Variants in ANAPC1 observed in about 807,000 individuals in gnomAD.
ANAPC1 encodes anaphase promoting complex subunit 1.
In ANAPC1, 36 loss-of-function variants were observed where a neutral mutation model predicts 208.0. The ratio of observed to expected loss-of-function variants is 0.17; its 90% CI spans 0.13 to 0.23. The LOEUF is 0.23. Ranked by LOEUF, ANAPC1 falls within the 10% of genes least tolerant of loss-of-function variation. The pLI is 1.00. For synonymous variants in ANAPC1, 378 were observed against 695.2 expected, an observed-to-expected ratio of 0.54 and a Z score of 7.18; for missense variants, 942 against 2,011.6, an observed-to-expected ratio of 0.47 and a Z score of 10.17.
At chr2:111,831,921 T>C (rs1377946423) in intron 20 of ANAPC1, among the ~76,000 whole-genome samples, 1 of 148,286 alleles carries the variant, frequency 6.7e-6, no homozygotes, top group Non-Finnish European at 1.5e-5. Context: ...TGTTATTAAA[T>C]GTAGAATTTA....
chr2:111,776,894 C>G lies in ANAPC1; in HGVS notation c.5549G>C (p.Cys1850Ser). The G allele has an allele frequency of 2.1e-6, 1 of 478,610 alleles. No homozygotes were observed. Among genetic ancestry groups the G allele is most frequent in the Non-Finnish European group, 3.5e-6 (1 of 281,784 alleles). The allele number at this position is 478,610 out of a possible 1,614,324, so 29.6% of individuals were successfully genotyped here. A position where few individuals can be genotyped will look rare whatever the true frequency, so the allele number is the denominator to read the frequency against. The change falls in exon 46 of 48, where the codon TGC becomes TCC. Residue 1850 changes from cysteine to serine, a missense_variant. Transcript: ENST00000341068. ...MNSEFLPVVK[C>S]TIDNTLDQWL... ...CTGGTCCAGGGTATTATCAATGGTG[C>G]ACTTCACAACAGGGAGGAATTCCGA...
chr2:111,852,714 A>G (rs1681472542), intron 13 of ANAPC1, among the ~76,000 whole-genome samples: 1 of 152,140 alleles, frequency 6.6e-6, no homozygotes, highest in Admixed American at 6.5e-5. Context: ...CTGTGAGCTA[A>G]GAATAGGTTT....
intron 29 of ANAPC1, among the ~76,000 whole-genome samples, chr2:111,807,704 T>A (rs4848182): frequency 0.18 from 17,764 of 100,494 alleles, 434 homozygotes; most frequent in Non-Finnish European, 0.23. Flanking sequence ...AAAAAAAAAA[T>A]TTTTAATGTA....
chr2:111,846,557 ATATTTTTTTTTTTTT>A (rs1681091652), intron 16 of ANAPC1, among the ~76,000 whole-genome samples: 1 of 53,012 alleles, frequency 1.9e-5, no homozygotes, highest in Non-Finnish European at 3.5e-5. Flanking sequence ...ATATATATAT[ATATTTTTTTTTTTTT>A]TTTTTTTTTT....
At chr2:111,819,112 G>GA in intron 26 of ANAPC1, 154 bp from the exon 27 acceptor site, 1 of 898,226 alleles carries the variant, frequency 1.1e-6, no homozygotes, top group Middle Eastern at 5.7e-4. Context: ...ACCCAAACAT[G>GA]ATTATTTTCA....
At position 111,863,722 on chromosome 2, in the gene ANAPC1, G is replaced by C. The variant is rs1205656381; in HGVS notation, c.1005C>G (p.Pro335=). ...IHSQSRSTSS[P]SLHSRSPSIS... ...TAGAAGGTGAGCGAGAATGTAGACT[G>C]GGTGATGAGGTTGAGCGACTCTGGC... The change falls in exon 9 of 48, where the codon CCC becomes CCG. Residue 335 remains proline (P), a synonymous_variant. Coordinates refer to ENST00000341068, the MANE Select transcript of ANAPC1 (RefSeq NM_022662.4). 1 of 1,613,840 alleles carries C rather than the reference G, an allele frequency of 6.2e-7. No homozygotes were observed. Among genetic ancestry groups the C allele is most frequent in the African/African-American group, 1.3e-5 (1 of 74,918 alleles).
Position 111,769,043 on chromosome 2 carries a change from T to G in ANAPC1, c.*248A>C, listed in dbSNP as rs1246381512. The G allele has an allele frequency of 3.5e-6, 1 of 287,734 alleles. No homozygotes were observed. Among genetic ancestry groups the G allele is most frequent in the African/African-American group, 2.2e-5 (1 of 45,746 alleles). The allele number at this position is 287,734 out of a possible 1,614,324, so 17.8% of individuals were successfully genotyped here. ...CTGCTCTATTCTCTAAGTCCAAAAC[T>G]AAAGCAATCATCAAGAGTTTTGGAA... On this transcript the variant is annotated 3_prime_UTR_variant, in exon 48 of 48. Coordinates refer to ENST00000341068, the MANE Select transcript of ANAPC1 (RefSeq NM_022662.4).
intron 29 of ANAPC1, among the ~76,000 whole-genome samples, chr2:111,808,319 T>C (rs576887907): frequency 1.3e-5 from 2 of 152,178 alleles, no homozygotes; most frequent in African/African-American, 2.4e-5. Context: ...AACTAAATTG[T>C]TGAGCATATT....
At position 111,768,118 on chromosome 2, in the gene ANAPC1, C is replaced by G. The variant is rs1312062076; in HGVS notation, c.*1173G>C. 6.6e-6 allele frequency: 1 copy of G among 152,210 alleles called. No homozygotes were observed. The highest frequency in any genetic ancestry group is 2.1e-4 in the South Asian group (1 of 4,828). 9.4% of individuals were successfully genotyped at this position (152,210 alleles called of 1,614,324 possible). On this transcript the variant is annotated 3_prime_UTR_variant, in exon 48 of 48. Coordinates refer to ENST00000341068, the MANE Select transcript of ANAPC1 (RefSeq NM_022662.4). ...GGTCTTGCTTCTACCAGCTTATGAT[C>G]CCACTGGCCATCCAGGAAGCACAGG...
chr2:111,877,528 G>A (rs953670543), intron 3 of ANAPC1, among the ~76,000 whole-genome samples: 3 of 152,190 alleles, frequency 2.0e-5, no homozygotes, highest in Non-Finnish European at 4.4e-5. Flanking sequence ...TGTAATCCCA[G>A]CACTTTGGGA....
intron 24 of ANAPC1, among the ~76,000 whole-genome samples, chr2:111,823,832 G>A (rs1156843380): frequency 6.6e-6 from 1 of 151,082 alleles, no homozygotes; most frequent in African/African-American, 2.4e-5. Flanking sequence ...GTGACAGGAG[G>A]GGACCATCCA....
chr2:111,850,711 C>T (rs1681342728), intron 14 of ANAPC1, 65 bp downstream of exon 14: 1 of 1,580,132 alleles, frequency 6.3e-7, no homozygotes, highest in African/African-American at 1.4e-5. Context: ...ATGGAAAGAA[C>T]TAATGTTTAA....
intron 28 of ANAPC1, among the ~76,000 whole-genome samples, chr2:111,814,077 CTCT>C (rs1379966157): frequency 8.7e-6 from 1 of 115,094 alleles, no homozygotes; most frequent in Non-Finnish European, 1.8e-5. Flanking sequence ...AGCAATAAGG[CTCT>C]TCTTAATTTT....
intron 1 of ANAPC1, among the ~76,000 whole-genome samples, chr2:111,883,573 A>G (rs1683439501): frequency 6.6e-6 from 1 of 150,740 alleles, no homozygotes; most frequent in African/African-American, 2.4e-5. Flanking sequence ...CACTAACGGG[A>G]GCTTAAGTCT....
intron 3 of ANAPC1, among the ~76,000 whole-genome samples, chr2:111,876,695 G>T (rs1317759450): frequency 6.6e-6 from 1 of 152,170 alleles, no homozygotes. Context: ...GCCCTCAAAT[G>T]TTGGAATAAT....
intron 15 of ANAPC1, 75 bp from the exon 16 acceptor site, chr2:111,847,273 A>T: frequency 3.1e-6 from 3 of 980,336 alleles, no homozygotes; most frequent in Non-Finnish European, 4.6e-6. Flanking sequence ...AATAGCTGGT[A>T]CAAGACTTTG....
rs1573282089 is a variant in ANAPC1 at position 111,769,330 on chromosome 2, A to C, written c.5796T>G (p.Ala1932=). 1 of 1,568,600 alleles carries C rather than the reference A, an allele frequency of 6.4e-7. No individual in the cohort carries two copies. The highest frequency in any genetic ancestry group is 1.4e-5 in the African/African-American group (1 of 73,120). The change falls in exon 48 of 48, where the codon GCT becomes GCG. Residue 1932 remains alanine (A), a synonymous_variant. Transcript: ENST00000341068. The part of the protein sequence containing the change: ...KMPVRALLRL[A]PLLLGNPQPM... ...GCTGTGGATTTCCAAGAAGCAAAGGAGCCAATCTCAGCAAAGCTCGCACTG... is the reference window on the plus strand; with the variant it reads ...GCTGTGGATTTCCAAGAAGCAAAGGCGCCAATCTCAGCAAAGCTCGCACTG...
In ANAPC1 at chr2:111,782,641, T is replaced by C. The variant is rs566266746; in HGVS notation, c.5064-134A>G. ...CACTAAGGTAAATGATTATTTACTG[T>C]GTCTAAGATTAAATCAGTCCCTATG... is the stretch of plus-strand genomic sequence containing the variant. On this transcript the variant is annotated intron_variant, in intron 42 of 47. Transcript: ENST00000341068. 2.0e-4 allele frequency: 155 copies of C among 785,666 alleles called. 1 individual carries two copies. The African/African-American group carries it at 2.5e-3, about 12-fold the overall frequency. The allele number at this position is 785,666 out of a possible 1,614,324, so 48.7% of individuals were successfully genotyped here.
At chr2:111,848,613 C>G (rs915606079) in intron 14 of ANAPC1, among the ~76,000 whole-genome samples, 21 of 152,104 alleles carry the variant, frequency 1.4e-4, no homozygotes, top group Admixed American at 6.5e-4. Flanking sequence ...CCCATCTCTA[C>G]TAAAAATACA....
Sources: allele counts gnomAD v4.1 joint callset (sites outside exome capture counted in the v4.1 genomes callset), GRCh38; gene constraint gnomAD v4.1.1; transcripts MANE v1.5; gene names NCBI Gene and HGNC (gene_info 2026-07-23, HGNC 2026-07-21).